Variants in PHF14 observed in about 807,000 individuals in gnomAD.
PHF14 encodes the protein PHD finger protein 14.
A neutral mutation model predicts 117.9 loss-of-function variants in PHF14; 55 were observed. The observed-to-expected ratio is 0.47, with a 90% CI of 0.38 to 0.58. The LOEUF (loss-of-function observed/expected upper bound fraction) is 0.58, where lower values mean the gene tolerates loss of function less well. Ranked by LOEUF, PHF14 falls within the 20% of genes least tolerant of loss-of-function variation. The pLI is 0.00. For missense variants in PHF14, 978 were observed against 1,122.2 expected (o/e 0.87, Z 1.84); for synonymous variants, 409 against 368.6 (o/e 1.11, Z -1.26).
intron 2 of PHF14, among the ~76,000 whole-genome samples, chr7:10,978,971 CTAGTAGAA>C (rs1781964186): frequency 6.6e-6 from 1 of 152,010 alleles, no homozygotes; most frequent in South Asian, 2.1e-4. Flanking sequence ...CTGTAAATAA[CTAGTAGAA>C]TAGTGATTGA....
At chr7:11,083,837 G>A (rs1786267716) in intron 16 of PHF14, among the ~76,000 whole-genome samples, 2 of 152,132 alleles carry the variant, frequency 1.3e-5, no homozygotes, top group Non-Finnish European at 2.9e-5. Flanking sequence ...AAAATGAGCG[G>A]TTGCCAGTAA....
At chr7:11,077,141 C>T (rs1375977505) in intron 16 of PHF14, among the ~76,000 whole-genome samples, 1 of 151,956 alleles carries the variant, frequency 6.6e-6, no homozygotes, top group Non-Finnish European at 1.5e-5. Flanking sequence ...TCATTATGGT[C>T]ATCTATTTAC....
chr7:11,132,830 T>C (rs762076773), intron 17 of PHF14, among the ~76,000 whole-genome samples: 1 of 151,940 alleles, frequency 6.6e-6, no homozygotes, highest in East Asian at 1.9e-4. Context: ...CATAGTGGTT[T>C]GGATTTGCAT....
intron 16 of PHF14, among the ~76,000 whole-genome samples, chr7:11,079,559 G>A (rs1785996600): frequency 6.6e-6 from 1 of 152,086 alleles, no homozygotes; most frequent in South Asian, 2.1e-4. Context: ...TTTGCAAAAT[G>A]ATTTAATGTT....
chr7:11,080,508 A>C (rs1192461234), intron 16 of PHF14, among the ~76,000 whole-genome samples: 1 of 152,094 alleles, frequency 6.6e-6, no homozygotes, highest in Admixed American at 6.6e-5. Context: ...TTTTCAGTAG[A>C]TTTTATTGCT....
chr7:11,128,628 C>G (rs1788001992), intron 17 of PHF14, among the ~76,000 whole-genome samples: 1 of 151,778 alleles, frequency 6.6e-6, no homozygotes, highest in African/African-American at 2.4e-5. Flanking sequence ...GGTTTTATCC[C>G]TGACATTCAA....
chr7:11,066,156 C>T (rs1785417816), intron 16 of PHF14, among the ~76,000 whole-genome samples: 1 of 152,190 alleles, frequency 6.6e-6, no homozygotes, highest in Non-Finnish European at 1.5e-5. Context: ...TCTGGCTTGT[C>T]AGTGCATCCT....
Position 11,013,816 on chromosome 7 carries a change from G to C in PHF14, c.1115G>C (p.Trp372Ser). The change falls in exon 5 of 18, where the codon TGG (tryptophan) becomes TCG (serine). Residue 372 changes from tryptophan (W) to serine (S), a missense_variant. Trp to Ser is a radical substitution (Grantham distance 177). This residue lies in a region of PHF14 where 86 missense variants were observed against 137.8 expected (regional missense o/e 0.62). Transcript: ENST00000634607. The part of the protein sequence containing the change: ...SSASENSTEP[W>S]FCDACKCGVS... ...GCTTCTGAAAACTCCACTGAACCTT[G>C]GTTTTGTGATGCCTGTAAATGTGGT... 6.2e-7 allele frequency: 1 copy of C among 1,608,150 alleles called. No homozygotes were observed. Among genetic ancestry groups the C allele is most frequent in the Non-Finnish European group, 8.5e-7 (1 of 1,175,222 alleles).
chr7:11,018,977 C>T (rs889770760), intron 5 of PHF14, among the ~76,000 whole-genome samples: 1 of 152,120 alleles, frequency 6.6e-6, no homozygotes, highest in African/African-American at 2.4e-5. Flanking sequence ...AATGCTTTTT[C>T]AGCATCAGTT....
intron 17 of PHF14, among the ~76,000 whole-genome samples, chr7:11,122,696 G>A (rs1195824763): frequency 6.6e-6 from 1 of 151,778 alleles, no homozygotes; most frequent in African/African-American, 2.4e-5. Flanking sequence ...TTGTTAACAC[G>A]TTTCTCCTTG....
intron 4 of PHF14, among the ~76,000 whole-genome samples, chr7:10,993,247 G>A (rs1782523769): frequency 6.6e-6 from 1 of 151,452 alleles, no homozygotes. Flanking sequence ...TTTAATCAGG[G>A]CTGTGACTAC....
At chr7:11,084,432 C>T (rs1786295049) in intron 16 of PHF14, among the ~76,000 whole-genome samples, 1 of 151,860 alleles carries the variant, frequency 6.6e-6, no homozygotes, top group Non-Finnish European at 1.5e-5. Context: ...ACAAAATATT[C>T]AGGGCCTACT....
intron 17 of PHF14, among the ~76,000 whole-genome samples, chr7:11,131,018 G>A (rs1482608071): frequency 2.0e-5 from 3 of 151,548 alleles, no homozygotes; most frequent in African/African-American, 7.3e-5. Flanking sequence ...ACTGAGTAAT[G>A]TTCTATTGTA....
intron 17 of PHF14, among the ~76,000 whole-genome samples, chr7:11,162,757 A>G (rs1167322710): frequency 2.1e-5 from 3 of 141,836 alleles, no homozygotes; most frequent in African/African-American, 8.0e-5. Context: ...GCTGGAGTGC[A>G]TTGGCGCAAC....
At chr7:11,162,355 G>T (rs1583514578) in intron 17 of PHF14, among the ~76,000 whole-genome samples, 1 of 152,090 alleles carries the variant, frequency 6.6e-6, no homozygotes, top group South Asian at 2.1e-4. Flanking sequence ...CTTCCACAGT[G>T]CCGGGATTAC....
chr7:11,000,881 AAAT>A (rs747694596), intron 4 of PHF14, among the ~76,000 whole-genome samples: 3 of 152,128 alleles, frequency 2.0e-5, no homozygotes, highest in Non-Finnish European at 4.4e-5. Flanking sequence ...TCCAACTTAT[AAAT>A]TATTTCTCTT....
intron 16 of PHF14, among the ~76,000 whole-genome samples, chr7:11,094,332 A>C (rs1786761763): frequency 6.6e-6 from 1 of 152,158 alleles, no homozygotes; most frequent in Non-Finnish European, 1.5e-5. Context: ...TTTCTTCTAG[A>C]GTGTTTGGGG....
Position 11,104,924 on chromosome 7 carries a change from A to G in PHF14, c.2655-6426A>G, listed in dbSNP as rs559516781. 80 of 974,950 alleles carry G rather than the reference A, an allele frequency of 8.2e-5. No homozygotes were observed. The African/African-American group carries it at 1.1e-3, about 14-fold the overall frequency. The allele number at this position is 974,950 out of a possible 1,614,324, so 60.4% of individuals were successfully genotyped here. A position where few individuals can be genotyped will look rare whatever the true frequency, so the allele number is the denominator to read the frequency against. ...GTGCTTAACATTGATTGATAAAGGA[A>G]TGTGCTTTTAACATCTCCTTAAAAG... On this transcript the variant is annotated intron_variant, in intron 16 of 17. Transcript: ENST00000634607.
chr7:11,085,880 A>G (rs1786386212), intron 16 of PHF14, among the ~76,000 whole-genome samples: 1 of 151,932 alleles, frequency 6.6e-6, no homozygotes, highest in Non-Finnish European at 1.5e-5. Context: ...CAGTAGCAAA[A>G]CATAATAGTT....
Sources: gnomAD v4.1 joint callset for allele counts (sites outside exome capture counted in the v4.1 genomes callset) on GRCh38, gnomAD v4.1.1 for gene constraint, gnomAD v4.1.1 regional missense constraint, MANE v1.5 for transcripts, NCBI Gene and HGNC (gene_info 2026-07-23, HGNC 2026-07-21) for gene names.